Variants in DACH1 observed in about 807,000 individuals in gnomAD.
The protein encoded by DACH1 is dachshund homolog 1.
Under a neutral mutation model 54.2 loss-of-function variants are expected in DACH1, and 12 were observed. The observed-to-expected ratio is 0.22, with a 90% CI of 0.14 to 0.36. The LOEUF is 0.36. DACH1 is among the 10% of genes least tolerant of loss of function. The pLI, the probability that DACH1 is intolerant of heterozygous loss-of-function variation, is 1.00. For missense variants in DACH1, 805 were observed against 929.8 expected (o/e 0.87, Z 1.75); for synonymous variants, 386 against 366.2 (o/e 1.05, Z -0.62).
In DACH1 at chr13:71,735,503, C is replaced by T. The variant is rs112905930; in HGVS notation, c.849-53593G>A. 3.0e-3 allele frequency among the ~76,000 whole-genome samples: 29 copies of T among 9,592 alleles called. 4 individuals carry two copies. The highest frequency in any genetic ancestry group is 4.5e-3 in the African/African-American group (23 of 5,120). 6.3% of individuals were successfully genotyped at this position (9,592 alleles called of 152,430 possible). On this transcript the variant is annotated intron_variant, in intron 1 of 10. Coordinates refer to ENST00000613252, the MANE Select transcript of DACH1 (RefSeq NM_080759.6). ...CGTGTATATGGGATATACACGTATACGGGATATACGTGTATATGGGATATA... is the reference window on the plus strand; with the variant it reads ...CGTGTATATGGGATATACACGTATATGGGATATACGTGTATATGGGATATA...
intron 10 of DACH1, among the ~76,000 whole-genome samples, chr13:71,444,115 A>G (rs1874241172): frequency 6.6e-6 from 1 of 152,148 alleles, no homozygotes; most frequent in East Asian, 1.9e-4. Context: ...TTATAAAAAT[A>G]AACAGAACAA....
chr13:71,680,049 T>C (rs867302982), intron 2 of DACH1, among the ~76,000 whole-genome samples: 1 of 152,200 alleles, frequency 6.6e-6, no homozygotes, highest in Non-Finnish European at 1.5e-5. Flanking sequence ...CAGAAATCTT[T>C]ATCATTCAGT....
intron 4 of DACH1, among the ~76,000 whole-genome samples, chr13:71,565,051 G>T (rs1158351493): frequency 1.3e-5 from 2 of 151,984 alleles, no homozygotes; most frequent in Non-Finnish European, 2.9e-5. Flanking sequence ...CCTCTGAGTA[G>T]CTGGGATTAC....
chr13:71,754,279 A>G (rs937350441), intron 1 of DACH1, among the ~76,000 whole-genome samples: 2 of 152,096 alleles, frequency 1.3e-5, no homozygotes, highest in Non-Finnish European at 2.9e-5. Flanking sequence ...CTGGATATAG[A>G]TACTCCCAAT....
In DACH1 at chr13:71,610,571, C is replaced by A. The variant is rs151186331; in HGVS notation, c.1126+19985G>T. On this transcript the variant is annotated intron_variant, in intron 3 of 10. Coordinates refer to ENST00000613252, the MANE Select transcript of DACH1 (RefSeq NM_080759.6). ...ACATACATATGCACATACATAGGCACTGGCAAAGATTCAATACATTAACAT... is the reference window on the plus strand; with the variant it reads ...ACATACATATGCACATACATAGGCAATGGCAAAGATTCAATACATTAACAT... Among the ~76,000 whole-genome samples the A allele has an allele frequency of 5.8e-3, 881 of 152,174 alleles. 12 individuals are homozygous for A. Among genetic ancestry groups the A allele is most frequent in the African/African-American group, 0.019 (805 of 41,520 alleles).
intron 2 of DACH1, among the ~76,000 whole-genome samples, chr13:71,648,608 A>G (rs1044699147): frequency 6.6e-6 from 1 of 152,220 alleles, no homozygotes; most frequent in Non-Finnish European, 1.5e-5. Context: ...ATGGGTTTTG[A>G]AGACTAAGAG....
chr13:71,696,423 G>T (rs941721574), intron 1 of DACH1, among the ~76,000 whole-genome samples: 2 of 152,144 alleles, frequency 1.3e-5, no homozygotes, highest in Non-Finnish European at 2.9e-5. Context: ...GACTGCTAAA[G>T]AAGTAGGACC....
chr13:71,711,250 T>G (rs1882711421), intron 1 of DACH1, among the ~76,000 whole-genome samples: 1 of 152,248 alleles, frequency 6.6e-6, no homozygotes, highest in Admixed American at 6.5e-5. Context: ...ACACTTAAAC[T>G]GCAACAGGAG....
chr13:71,591,156 G>A (rs1351922163), intron 3 of DACH1, among the ~76,000 whole-genome samples: 1 of 151,928 alleles, frequency 6.6e-6, no homozygotes, highest in Non-Finnish European at 1.5e-5. Flanking sequence ...TAGGATTACA[G>A]GCATGAGCTG....
intron 10 of DACH1, among the ~76,000 whole-genome samples, chr13:71,451,605 G>T (rs1485467182): frequency 1.3e-5 from 2 of 152,008 alleles, no homozygotes; most frequent in Non-Finnish European, 1.5e-5. Context: ...TGCAAAATGA[G>T]AAACATTCTA....
chr13:71,504,721 A>G (rs999635239), intron 6 of DACH1, among the ~76,000 whole-genome samples: 1 of 152,124 alleles, frequency 6.6e-6, no homozygotes, highest in African/African-American at 2.4e-5. Flanking sequence ...ATATAGAACC[A>G]TTTCATTCTT....
At chr13:71,829,603 C>T (rs1234459313) in intron 1 of DACH1, among the ~76,000 whole-genome samples, 1 of 151,924 alleles carries the variant, frequency 6.6e-6, no homozygotes, top group Non-Finnish European at 1.5e-5. Context: ...CAAGCATTCT[C>T]TTCCTGCAAA....
At chr13:71,703,869 C>T (rs905450443) in intron 1 of DACH1, among the ~76,000 whole-genome samples, 3 of 152,138 alleles carry the variant, frequency 2.0e-5, no homozygotes, top group African/African-American at 7.2e-5. Flanking sequence ...TTGATAAACA[C>T]TGACTTACTA....
intron 6 of DACH1, among the ~76,000 whole-genome samples, chr13:71,525,204 A>C (rs1881871933): frequency 6.6e-6 from 1 of 152,162 alleles, no homozygotes; most frequent in Non-Finnish European, 1.5e-5. Flanking sequence ...ATAAATCCTT[A>C]ACTGCCTGAG....
intron 1 of DACH1, among the ~76,000 whole-genome samples, chr13:71,707,887 G>A (rs1882522732): frequency 6.6e-6 from 1 of 151,934 alleles, no homozygotes; most frequent in Non-Finnish European, 1.5e-5. Flanking sequence ...CATACTCAAG[G>A]GCACATGGTG....
chr13:71,772,543 TCTC>T (rs1462758985), intron 1 of DACH1, among the ~76,000 whole-genome samples: 1 of 151,732 alleles, frequency 6.6e-6, no homozygotes, highest in East Asian at 1.9e-4. Context: ...ATCACTTTAA[TCTC>T]CTAGCGTTTC....
chr13:71,675,228 T>C lies in DACH1; in HGVS notation c.964+6567A>G, dbSNP rs570676079. On this transcript the variant is annotated intron_variant, in intron 2 of 10. Transcript: ENST00000613252. Reference sequence around the variant, plus strand: ...TGGCGCTCCGTGAAGTTAGACGTTATCAGAAGTCCACTGAACTTCTGATTC... The same window carrying C: ...TGGCGCTCCGTGAAGTTAGACGTTACCAGAAGTCCACTGAACTTCTGATTC... 2.5e-6 allele frequency: 4 copies of C among 1,573,420 alleles called. No individual in the cohort carries two copies. In the East Asian group the frequency reaches 8.9e-5, roughly 35 times the overall value.
At chr13:71,742,328 T>TA (rs1488181308) in intron 1 of DACH1, among the ~76,000 whole-genome samples, 2 of 152,220 alleles carry the variant, frequency 1.3e-5, no homozygotes, top group African/African-American at 4.8e-5. Context: ...ACTGATATGC[T>TA]ATGGAAATTT....
chr13:71,705,814 T>A (rs1188488781), intron 1 of DACH1, among the ~76,000 whole-genome samples: 3 of 152,014 alleles, frequency 2.0e-5, no homozygotes, highest in Non-Finnish European at 4.4e-5. Flanking sequence ...TCATGAAGTC[T>A]CCATTAAAAC....
Sources: gnomAD v4.1 joint callset for allele counts (sites outside exome capture counted in the v4.1 genomes callset) on GRCh38, gnomAD v4.1.1 for gene constraint, MANE v1.5 for transcripts, NCBI Gene and HGNC (gene_info 2026-07-23, HGNC 2026-07-21) for gene names.